Variants in DENND5A observed in about 807,000 individuals in gnomAD.
DENND5A encodes DENN domain containing 5A, also known as DENN domain-containing protein 5A.
A neutral mutation model predicts 140.3 loss-of-function variants in DENND5A; 64 were observed. The ratio of observed to expected loss-of-function variants is 0.46; its 90% confidence interval spans 0.37 to 0.56. The LOEUF (loss-of-function observed/expected upper bound fraction) is 0.56. Ranked by LOEUF, DENND5A falls within the 20% of genes least tolerant of loss-of-function variation. The pLI is 0.00. For missense variants in DENND5A, 1,292 were observed against 1,593.8 expected (o/e 0.81, Z 3.22); for synonymous variants, 605 against 607.7 (o/e 1.00, Z 0.07).
At chr11:9,207,759 C>A in intron 1 of DENND5A, 127 bp from the exon 2 acceptor site, 1 of 629,690 alleles carries the variant, frequency 1.6e-6, no homozygotes, top group Non-Finnish European at 2.7e-6. Flanking sequence ...TATGTGTATA[C>A]ATAAATTTAC....
chr11:9,145,075 G>A lies in DENND5A; in HGVS notation c.3042C>T (p.Gly1014=). ...TGGCATACAGCCCAGAGTTATCATG[G>A]CCAATCTGGACAGTAGTAAGCTTCC... The part of the protein sequence containing the change: ...NLGKLTTVQI[G]HDNSGLYAKW... The change falls in exon 18 of 23, where the codon GGC becomes GGT. Residue 1014 remains glycine, a synonymous_variant. Coordinates refer to ENST00000328194, the MANE Select transcript of DENND5A (RefSeq NM_015213.4). 2 of 1,614,050 alleles carry A rather than the reference G, an allele frequency of 1.2e-6. No homozygotes were observed. Among genetic ancestry groups the A allele is most frequent in the Non-Finnish European group, 1.7e-6 (2 of 1,179,942 alleles).
chr11:9,232,731 C>A (rs900405297), intron 1 of DENND5A, among the ~76,000 whole-genome samples: 1 of 152,132 alleles, frequency 6.6e-6, no homozygotes, highest in African/African-American at 2.4e-5. Flanking sequence ...ATATACCCAA[C>A]AGACCAAAAG....
At chr11:9,182,302 T>A (rs1335230652) in intron 5 of DENND5A, among the ~76,000 whole-genome samples, 2 of 152,000 alleles carry the variant, frequency 1.3e-5, no homozygotes, top group African/African-American at 2.4e-5. Context: ...GGCAAGAGAG[T>A]GAGACTCCCT....
intron 5 of DENND5A, among the ~76,000 whole-genome samples, chr11:9,192,703 CATGGTGACACCAGTGT>C (rs1849178349): frequency 6.6e-6 from 1 of 151,952 alleles, no homozygotes; most frequent in South Asian, 2.1e-4. Context: ...AACGAAGAGT[CATGGTGACACCAGTGT>C]ATGTATACTC....
intron 1 of DENND5A, among the ~76,000 whole-genome samples, chr11:9,215,550 C>CCTTTTTT (rs752413334): frequency 1.4e-5 from 2 of 140,524 alleles, no homozygotes; most frequent in Non-Finnish European, 1.5e-5. Flanking sequence ...ATCCTGTGTT[C>CCTTTTTT]TTTTTTTTTT....
intron 12 of DENND5A, among the ~76,000 whole-genome samples, chr11:9,152,943 A>G (rs1401818705): frequency 2.0e-5 from 3 of 151,410 alleles, no homozygotes; most frequent in African/African-American, 7.3e-5. Context: ...GGTTGCAGTG[A>G]GCCTAGATCG....
intron 1 of DENND5A, among the ~76,000 whole-genome samples, chr11:9,211,851 G>C (rs978626925): frequency 1.3e-5 from 2 of 149,624 alleles, no homozygotes; most frequent in Non-Finnish European, 3.0e-5. Flanking sequence ...AGAATCTCTT[G>C]AGGTTGAGGT....
chr11:9,143,999 C>T, intron 19 of DENND5A, 98 bp downstream of exon 19: 1 of 1,416,360 alleles, frequency 7.1e-7, no homozygotes, highest in South Asian at 1.4e-5. Context: ...GAGGCAGCTG[C>T]ACAGGCTGGG....
chr11:9,194,007 G>C (rs1306857289), intron 4 of DENND5A, among the ~76,000 whole-genome samples: 21 of 152,182 alleles, frequency 1.4e-4, no homozygotes, highest in East Asian at 5.8e-4. Flanking sequence ...CTTAAGAAAG[G>C]GGGTAGGAGA....
intron 19 of DENND5A, 114 bp downstream of exon 19, chr11:9,143,983 T>C: frequency 7.8e-7 from 1 of 1,284,814 alleles, no homozygotes. Flanking sequence ...AGCAGAAGTG[T>C]TTCCTGAGGC....
chr11:9,229,899 C>CTTTTTTTTTTTTT (rs71062816), intron 1 of DENND5A, among the ~76,000 whole-genome samples: 2 of 64,902 alleles, frequency 3.1e-5, no homozygotes, highest in Non-Finnish European at 5.3e-5. Context: ...GCTCCCATTT[C>CTTTTTTTTTTTTT]TTTTTTTTTT....
intron 1 of DENND5A, among the ~76,000 whole-genome samples, chr11:9,210,143 C>T (rs962573963): frequency 1.3e-5 from 2 of 151,946 alleles, no homozygotes; most frequent in African/African-American, 4.8e-5. Flanking sequence ...AAAACTTAAT[C>T]CTCAGAAACA....
rs567851364 is a variant in DENND5A at position 9,192,035 on chromosome 11, A to G, written c.1137+1459T>C. 9.3e-4 allele frequency among the ~76,000 whole-genome samples: 141 copies of G among 152,242 alleles called. 2 individuals are homozygous for G. In the Middle Eastern group the frequency reaches 0.01, roughly 11 times the overall value. On this transcript the variant is annotated intron_variant, in intron 5 of 22. Coordinates refer to ENST00000328194, the MANE Select transcript of DENND5A (RefSeq NM_015213.4). The stretch of plus-strand genomic sequence containing the variant: ...CATTTAGATTTTTTTTCCTTAATTA[A>G]TCTTGTTCCACCCCAAAGAGCACAA...
In DENND5A at chr11:9,166,811, G is replaced by A. The variant is rs959574506; in HGVS notation, c.2152-844C>T. Among the ~76,000 whole-genome samples the A allele has an allele frequency of 4.6e-5, 7 of 151,722 alleles. No individual in the cohort carries two copies. In the South Asian group the frequency reaches 1.3e-3, roughly 27 times the overall value. On this transcript the variant is annotated intron_variant, in intron 10 of 22. Transcript: ENST00000328194. The stretch of plus-strand genomic sequence containing the variant: ...CGCGCCACTGCACTCTAGCCTGGGC[G>A]ACAGAGCGAGACTCCATCACAAAAA...
chr11:9,235,614 C>T (rs111897687), intron 1 of DENND5A, among the ~76,000 whole-genome samples: 24,555 of 150,512 alleles, frequency 0.16, 2,226 homozygotes, highest in Non-Finnish European at 0.21. Context: ...GCTGAGATCG[C>T]GCCACTGCAC....
intron 11 of DENND5A, among the ~76,000 whole-genome samples, chr11:9,165,386 A>T (rs538688652): frequency 1.3e-5 from 2 of 152,314 alleles, no homozygotes; most frequent in South Asian, 2.1e-4. Context: ...TATTTAAAAC[A>T]AATATACCTA....
intron 10 of DENND5A, 95 bp downstream of exon 10, chr11:9,169,761 G>C (rs981592901): frequency 1.5e-5 from 12 of 804,746 alleles, no homozygotes; most frequent in Non-Finnish European, 2.6e-5. Context: ...TCATTGCTGA[G>C]ACGTTTGAAT....
chr11:9,223,273 A>T (rs2136238437), intron 1 of DENND5A, among the ~76,000 whole-genome samples: 1 of 152,310 alleles, frequency 6.6e-6, no homozygotes, highest in South Asian at 2.1e-4. Context: ...CACGCCTGTA[A>T]TCCCAGCACT....
chr11:9,147,007 G>C (rs760797063), intron 16 of DENND5A, 23 bp downstream of exon 16: 1 of 1,613,984 alleles, frequency 6.2e-7, no homozygotes, highest in African/African-American at 1.3e-5. Flanking sequence ...GAGAAGGCCA[G>C]CTGGGAGCAC....
Sources: gnomAD v4.1 joint callset for allele counts (sites outside exome capture counted in the v4.1 genomes callset) on GRCh38, gnomAD v4.1.1 for gene constraint, MANE v1.5 for transcripts, NCBI Gene and HGNC (gene_info 2026-07-23, HGNC 2026-07-21) for gene names.